The following ACAD11 variants were observed in gnomAD, a reference collection of about 807,000 sequenced individuals.
ACAD11 encodes the protein acyl-Coenzyme A dehydrogenase family, member 11.
ACAD11 carries 83 observed loss-of-function variants against 102.2 expected under a neutral mutation model. The ratio of observed to expected loss-of-function variants is 0.81; its 90% CI spans 0.68 to 0.97. The LOEUF (loss-of-function observed/expected upper bound fraction) is 0.97. ACAD11 is among the 50% of genes least tolerant of loss of function. The pLI, the probability that ACAD11 is intolerant of heterozygous loss-of-function variation, is 0.00. For synonymous variants in ACAD11, 324 were observed against 319.8 expected, an observed-to-expected ratio of 1.01 and a Z score of -0.14; for missense variants, 901 against 951.7, an observed-to-expected ratio of 0.95 and a Z score of 0.70.
intron 1 of ACAD11, among the ~76,000 whole-genome samples, chr3:132,651,854 T>C (rs1291549078): frequency 1.3e-5 from 2 of 152,242 alleles, no homozygotes; most frequent in African/African-American, 2.4e-5. Context: ...CTAATGCCTG[T>C]ACCCCCATTG....
At chr3:132,635,044 T>TA (rs1192392897) in intron 5 of ACAD11, among the ~76,000 whole-genome samples, 3 of 149,056 alleles carry the variant, frequency 2.0e-5, no homozygotes, top group African/African-American at 7.4e-5. Context: ...CCCTAGAACT[T>TA]AAAGTACAAT....
At chr3:132,589,878 T>G (rs1342537060) in intron 13 of ACAD11, among the ~76,000 whole-genome samples, 5 of 152,120 alleles carry the variant, frequency 3.3e-5, no homozygotes, top group Admixed American at 6.5e-5. Flanking sequence ...CCCTCCACCC[T>G]CAAGCAGACC....
chr3:132,586,761 T>C (rs1937852956), intron 13 of ACAD11, among the ~76,000 whole-genome samples: 1 of 152,158 alleles, frequency 6.6e-6, no homozygotes, highest in African/African-American at 2.4e-5. Context: ...TTAAAAAATG[T>C]AATGTTTTTC....
chr3:132,629,181 T>C (rs1019648317), intron 7 of ACAD11, among the ~76,000 whole-genome samples: 7 of 152,298 alleles, frequency 4.6e-5, no homozygotes, highest in African/African-American at 1.7e-4. Context: ...TTTTTTGAGA[T>C]GGAGCCTCAC....
chr3:132,575,727 T>C, intron 17 of ACAD11, 45 bp downstream of exon 17: 1 of 1,608,878 alleles, frequency 6.2e-7, no homozygotes, highest in Non-Finnish European at 8.5e-7. Flanking sequence ...AATGTTAGTG[T>C]AGTGCACCGG....
At chr3:132,642,255 TA>T in intron 3 of ACAD11, 122 bp from the exon 4 acceptor site, 2 of 904,436 alleles carry the variant, frequency 2.2e-6, no homozygotes, top group Non-Finnish European at 3.2e-6. Context: ...AAAGGGAAAA[TA>T]AAAGGATATG....
intron 13 of ACAD11, among the ~76,000 whole-genome samples, chr3:132,587,450 A>G (rs1170065001): frequency 2.6e-5 from 4 of 152,092 alleles, no homozygotes. Flanking sequence ...TTAAGTTCTG[A>G]TATTCCTACC....
intron 1 of ACAD11, among the ~76,000 whole-genome samples, chr3:132,651,081 T>A (rs1362409497): frequency 2.6e-5 from 4 of 152,226 alleles, no homozygotes; most frequent in African/African-American, 9.6e-5. Context: ...GTTTCCTTTG[T>A]AGGCTTCTTA....
At chr3:132,645,526 C>T (rs975739441) in intron 1 of ACAD11, among the ~76,000 whole-genome samples, 10 of 152,160 alleles carry the variant, frequency 6.6e-5, no homozygotes, top group Non-Finnish European at 1.3e-4. Flanking sequence ...ACTTCAGCTA[C>T]CAAAACTATT....
chr3:132,574,319 C>A (rs1253948545), intron 17 of ACAD11, among the ~76,000 whole-genome samples: 1 of 152,134 alleles, frequency 6.6e-6, no homozygotes, highest in Non-Finnish European at 1.5e-5. Flanking sequence ...GTATCCAGGG[C>A]CCCAGAGGGT....
rs138309691 is a variant in ACAD11 at position 132,642,192 on chromosome 3, T to C, written c.376-59A>G. Reference sequence around the variant, plus strand: ...TGTATAATCAATACTTTGTCGAATATACTAGAAAAACATTCATTTGTGAAA... The same window carrying C: ...TGTATAATCAATACTTTGTCGAATACACTAGAAAAACATTCATTTGTGAAA... On this transcript the variant is annotated intron_variant, in intron 3 of 19. Coordinates refer to ENST00000264990, the MANE Select transcript of ACAD11 (RefSeq NM_032169.5). 5.6e-4 allele frequency: 795 copies of C among 1,431,400 alleles called. 3 individuals carry two copies. In the African/African-American group the frequency reaches 9.6e-3, roughly 17 times the overall value. 88.7% of individuals were successfully genotyped at this position (1,431,400 alleles called of 1,614,324 possible). A position where few individuals can be genotyped will look rare whatever the true frequency, so the allele number is the denominator to read the frequency against.
intron 17 of ACAD11, among the ~76,000 whole-genome samples, chr3:132,574,897 C>T (rs904759214): frequency 2.0e-5 from 3 of 152,130 alleles, no homozygotes; most frequent in Admixed American, 6.5e-5. Context: ...TGCAGTGGCA[C>T]GATCTTGGCT....
intron 13 of ACAD11, among the ~76,000 whole-genome samples, chr3:132,591,840 C>T (rs1021488478): frequency 3.9e-5 from 6 of 152,068 alleles, no homozygotes; most frequent in African/African-American, 9.7e-5. Context: ...TGCAGTGAGC[C>T]GTGATCATGC....
chr3:132,639,559 T>A lies in ACAD11; in HGVS notation c.635A>T (p.Asn212Ile), dbSNP rs562724904. The A allele has an allele frequency of 6.2e-7, 1 of 1,614,100 alleles. No individual in the cohort carries two copies. ...SEWLMKNLPD[N>I]DNEENLIHGD... ...ATGAATCAAATTCTCTTCATTGTCA[T>A]TATCGGGCAAGTTCTTCATTAGCCA... Residue 212 changes from asparagine to isoleucine, a missense_variant, in exon 5 of 20, where the codon AAT (asparagine) becomes ATT (isoleucine). Transcript: ENST00000264990.
intron 1 of ACAD11, among the ~76,000 whole-genome samples, chr3:132,649,462 G>A (rs1037837142): frequency 6.6e-6 from 1 of 152,186 alleles, no homozygotes; most frequent in African/African-American, 2.4e-5. Context: ...GCATAAATCT[G>A]GCCTACGTGC....
chr3:132,586,249 G>A (rs137896752), intron 13 of ACAD11, among the ~76,000 whole-genome samples: 1 of 151,868 alleles, frequency 6.6e-6, no homozygotes, highest in Non-Finnish European at 1.5e-5. Flanking sequence ...GGACAAAAAA[G>A]CAAACACCGC....
intron 17 of ACAD11, among the ~76,000 whole-genome samples, chr3:132,572,912 C>CTTTTTTA (rs1251308099): frequency 1.3e-5 from 2 of 151,956 alleles, no homozygotes; most frequent in Non-Finnish European, 2.9e-5. Context: ...TTTTATTTTC[C>CTTTTTTA]TTTCTTTTCT....
Position 132,559,952 on chromosome 3 carries a change from C to A in ACAD11, c.2119-10G>T. Reference sequence around the variant, plus strand: ...CTTTGATCATTGCAATCTATATAAGCAAAATATGAAAAGAATGCTTCTTTC... The same window carrying A: ...CTTTGATCATTGCAATCTATATAAGAAAAATATGAAAAGAATGCTTCTTTC... On this transcript the variant is annotated splice_polypyrimidine_tract_variant and intron_variant, in intron 18 of 19. Coordinates refer to ENST00000264990, the MANE Select transcript of ACAD11 (RefSeq NM_032169.5). 1 of 1,600,830 alleles carries A rather than the reference C, an allele frequency of 6.2e-7. No individual in the cohort carries two copies. Among genetic ancestry groups the A allele is most frequent in the East Asian group, 2.2e-5 (1 of 44,606 alleles).
chr3:132,642,090 G>T lies in ACAD11; in HGVS notation c.419C>A (p.Ala140Glu). The T allele has an allele frequency of 6.2e-7, 1 of 1,614,050 alleles. No homozygotes were observed. The change falls in exon 4 of 20, where the codon GCA (alanine) becomes GAA (glutamate). Residue 140 changes from alanine to glutamate, a missense_variant. Transcript: ENST00000264990. ...GGCCACATATATGGCTGAACGTTCTGCTGGGCTAAGTCCAGGAATTGTTAA... is the reference window on the plus strand; with the variant it reads ...GGCCACATATATGGCTGAACGTTCTTCTGGGCTAAGTCCAGGAATTGTTAA... The part of the protein sequence containing the change: ...RDLTIPGLSP[A>E]ERSAIYVATV...
Sources: allele counts gnomAD v4.1 joint callset (sites outside exome capture counted in the v4.1 genomes callset), GRCh38; gene constraint gnomAD v4.1.1; transcripts MANE v1.5; gene names NCBI Gene and HGNC (gene_info 2026-07-23, HGNC 2026-07-21).